PTPRM: variants seen among roughly 807,000 people sequenced by gnomAD.
PTPRM encodes the protein protein tyrosine phosphatase receptor type M.
In PTPRM, 47 loss-of-function variants were observed where a neutral mutation model predicts 186.7. The observed-to-expected ratio is 0.25, with a 90% CI of 0.20 to 0.32. The LOEUF (loss-of-function observed/expected upper bound fraction) is 0.32, where lower values mean the gene tolerates loss of function less well. Ranked by LOEUF, PTPRM falls within the 10% of genes least tolerant of loss-of-function variation. PTPRM has a pLI of 1.00. For missense variants in PTPRM, 1,494 were observed against 1,865.0 expected, an observed-to-expected ratio of 0.80 and a Z score of 3.66; for synonymous variants, 668 against 674.9, an observed-to-expected ratio of 0.99 and a Z score of 0.16.
At chr18:8,204,771 C>A (rs575436088) in intron 14 of PTPRM, among the ~76,000 whole-genome samples, 18 of 145,132 alleles carry the variant, frequency 1.2e-4, no homozygotes, top group Admixed American at 2.7e-4. Context: ...AAAACAAAAA[C>A]AAAAAAAAAA....
chr18:8,325,734 A>T (rs2095371741), intron 22 of PTPRM, among the ~76,000 whole-genome samples: 1 of 152,140 alleles, frequency 6.6e-6, no homozygotes, highest in African/African-American at 2.4e-5. Context: ...TTCTGTTGTA[A>T]GTTCTTTGAG....
chr18:8,234,738 T>A (rs201506907), intron 14 of PTPRM, among the ~76,000 whole-genome samples: 1 of 151,752 alleles, frequency 6.6e-6, no homozygotes, highest in Non-Finnish European at 1.5e-5. Context: ...ATCTTTTTTT[T>A]ATCAAGTTGA....
intron 7 of PTPRM, among the ~76,000 whole-genome samples, chr18:7,969,531 A>T (rs2054385641): frequency 6.7e-6 from 1 of 149,892 alleles, no homozygotes; most frequent in Middle Eastern, 3.2e-3. Flanking sequence ...TTGTTTTTTG[A>T]AAGGTTCAAC....
At chr18:8,066,190 A>T (rs1249616074) in intron 7 of PTPRM, among the ~76,000 whole-genome samples, 3 of 152,232 alleles carry the variant, frequency 2.0e-5, no homozygotes, top group Non-Finnish European at 4.4e-5. Flanking sequence ...TTTGCTTAGT[A>T]TGAGAATTGT....
At chr18:7,807,255 C>G (rs2044282477) in intron 2 of PTPRM, among the ~76,000 whole-genome samples, 1 of 152,182 alleles carries the variant, frequency 6.6e-6, no homozygotes. Flanking sequence ...TACCATGTCT[C>G]TTCCAGGAAA....
intron 1 of PTPRM, among the ~76,000 whole-genome samples, chr18:7,603,153 C>T (rs2037449249): frequency 6.6e-6 from 1 of 152,048 alleles, no homozygotes; most frequent in Non-Finnish European, 1.5e-5. Context: ...TGGTCTCGAT[C>T]TCCTGGCCTC....
chr18:8,045,208 CGTGAT>C (rs2086963526), intron 7 of PTPRM, among the ~76,000 whole-genome samples: 1 of 152,050 alleles, frequency 6.6e-6, no homozygotes, highest in Non-Finnish European at 1.5e-5. Context: ...ATTAGCTGGA[CGTGAT>C]GGCATGTACG....
intron 11 of PTPRM, among the ~76,000 whole-genome samples, chr18:8,099,287 T>C (rs563725782): frequency 2.0e-5 from 3 of 152,202 alleles, no homozygotes; most frequent in Admixed American, 6.5e-5. Context: ...AGCTCAGCCC[T>C]AGATTCATTC....
intron 22 of PTPRM, among the ~76,000 whole-genome samples, chr18:8,331,541 T>C (rs1019402826): frequency 6.6e-6 from 1 of 152,246 alleles, no homozygotes; most frequent in South Asian, 2.1e-4. Context: ...AACCTCTCAA[T>C]AGATATTAGC....
At chr18:7,833,272 G>A (rs1300295458) in intron 2 of PTPRM, among the ~76,000 whole-genome samples, 2 of 151,778 alleles carry the variant, frequency 1.3e-5, no homozygotes, top group Non-Finnish European at 2.9e-5. Flanking sequence ...TTAATTTTTT[G>A]GTGTCCTCTT....
intron 11 of PTPRM, among the ~76,000 whole-genome samples, chr18:8,092,971 G>A (rs1600520506): frequency 1.3e-5 from 2 of 152,066 alleles, no homozygotes; most frequent in Non-Finnish European, 2.9e-5. Flanking sequence ...AACATAGAGA[G>A]GCCCAACATA....
At chr18:7,745,425 G>T (rs539597348) in intron 1 of PTPRM, among the ~76,000 whole-genome samples, 1 of 152,180 alleles carries the variant, frequency 6.6e-6, no homozygotes, top group South Asian at 2.1e-4. Flanking sequence ...CTTGACAGTA[G>T]ACATCAAAGA....
At chr18:7,648,814 C>G (rs1418842426) in intron 1 of PTPRM, among the ~76,000 whole-genome samples, 1 of 152,176 alleles carries the variant, frequency 6.6e-6, no homozygotes, top group Non-Finnish European at 1.5e-5. Flanking sequence ...GATGCAGAAT[C>G]TGTTATCCAG....
intron 14 of PTPRM, among the ~76,000 whole-genome samples, chr18:8,156,915 C>A (rs1049227598): frequency 1.3e-5 from 2 of 152,074 alleles, no homozygotes; most frequent in Non-Finnish European, 1.5e-5. Flanking sequence ...TTGTTGATTC[C>A]TGAGTTTACT....
At chr18:7,870,513 G>A (rs1205595888) in intron 2 of PTPRM, among the ~76,000 whole-genome samples, 1 of 152,100 alleles carries the variant, frequency 6.6e-6, no homozygotes, top group African/African-American at 2.4e-5. Flanking sequence ...GACGACATCT[G>A]TTTTGGCTGC....
chr18:8,371,957 G>A (rs1034277257), intron 24 of PTPRM: 2 of 151,264 alleles, frequency 1.3e-5, no homozygotes, highest in Non-Finnish European at 2.9e-5. Context: ...GAATTTGTTA[G>A]CTTCTACTCA....
intron 1 of PTPRM, chr18:7,741,274 G>A (rs988661422): frequency 6.6e-6 from 1 of 152,192 alleles, no homozygotes; most frequent in African/African-American, 2.4e-5. Flanking sequence ...TTGTGCACAG[G>A]TGGGCATTGC....
At chr18:7,772,347 TTCTCTTTCTTTC>T (rs1568107970) in intron 1 of PTPRM, among the ~76,000 whole-genome samples, 3 of 115,698 alleles carry the variant, frequency 2.6e-5, no homozygotes, top group Non-Finnish European at 5.6e-5. Flanking sequence ...CTTTCTTTCT[TTCTCTTTCTTTC>T]TTTCTTTCTT....
intron 13 of PTPRM, among the ~76,000 whole-genome samples, chr18:8,143,329 A>G (rs1479952231): frequency 1.3e-5 from 2 of 152,204 alleles, no homozygotes; most frequent in East Asian, 1.9e-4. Flanking sequence ...TTTAAATGGC[A>G]GAAAGAGCAG....
Sources: allele counts gnomAD v4.1 joint callset (sites outside exome capture counted in the v4.1 genomes callset), GRCh38; gene constraint gnomAD v4.1.1; transcripts MANE v1.5; gene names NCBI Gene and HGNC (gene_info 2026-07-23, HGNC 2026-07-21).